TIGD4: variants seen among roughly 807,000 people sequenced by gnomAD.
TIGD4 encodes tigger transposable element derived 4.
In TIGD4, 20 loss-of-function variants were observed where a neutral mutation model predicts 24.9. The ratio of observed to expected loss-of-function variants is 0.80; its 90% CI spans 0.56 to 1.17. The LOEUF is 1.17. Ranked by LOEUF, TIGD4 falls within the 50% of genes most tolerant of loss-of-function variation. The pLI is 0.00. For synonymous variants in TIGD4, 193 were observed against 211.0 expected, an observed-to-expected ratio of 0.91 and a Z score of 0.74; for missense variants, 566 against 591.0, an observed-to-expected ratio of 0.96 and a Z score of 0.44.
At position 152,769,647 on chromosome 4, in the gene TIGD4, G is replaced by A. The variant is rs568811536; in HGVS notation, c.1358C>T (p.Thr453Ile). The A allele has an allele frequency of 3.7e-6, 6 of 1,613,388 alleles. No individual in the cohort carries two copies. In the Admixed American group the frequency reaches 8.3e-5, roughly 22 times the overall value. Residue 453 changes from threonine to isoleucine, a missense_variant, in exon 2 of 2, where the codon ACT becomes ATT. Physicochemically the swap from Thr to Ile is moderately conservative, Grantham distance 89. Transcript: ENST00000304337. ...TCCATCATCATCCTCTTCATCAGAA[G>A]TGTAAAATCCAGTTTCATCCGATTT... ...ESKSDETGFY[T>I]SDEEDDDGSP...
rs867840678 is a variant in TIGD4 at position 152,770,014 on chromosome 4, G to C, written c.991C>G (p.Arg331Gly). ...AAAAATTTCTTGATAAGACAGTGTC[G>C]ATATTTGATTTTAAGGCTTTTAATA... Reference protein sequence around the residue: ...GVIKSLKIKYRHCLIKKFLSS... With the variant: ...GVIKSLKIKYGHCLIKKFLSS... Residue 331 changes from arginine to glycine, a missense_variant, in exon 2 of 2, where the codon CGA becomes GGA. Physicochemically the swap from Arg to Gly is moderately radical, Grantham distance 125 (BLOSUM62 -2). Transcript: ENST00000304337. 6.2e-7 allele frequency: 1 copy of C among 1,610,268 alleles called. No individual in the cohort carries two copies. The highest frequency in any genetic ancestry group is 2.2e-5 in the East Asian group (1 of 44,796).
chr4:152,778,801 C>T (rs1361996010), intron 1 of TIGD4, among the ~76,000 whole-genome samples: 1 of 152,092 alleles, frequency 6.6e-6, no homozygotes, highest in Admixed American at 6.5e-5. Context: ...TGCCTTTGGG[C>T]ATTAGTCATT....
chr4:152,778,591 TTAAGA>T (rs768634225), intron 1 of TIGD4, among the ~76,000 whole-genome samples: 10 of 152,338 alleles, frequency 6.6e-5, no homozygotes, highest in Middle Eastern at 6.8e-3. Context: ...ACAGAACCAC[TTAAGA>T]TAAGAGATTT....
chr4:152,769,421 A>C lies in TIGD4; in HGVS notation c.*45T>G, dbSNP rs951127381. 2 of 1,327,254 alleles carry C rather than the reference A, an allele frequency of 1.5e-6. No homozygotes were observed. The highest frequency in any genetic ancestry group is 3.0e-5 in the African/African-American group (2 of 67,566). 82.2% of individuals were successfully genotyped at this position (1,327,254 alleles called of 1,614,324 possible). A position where few individuals can be genotyped will look rare whatever the true frequency, so the allele number is the denominator to read the frequency against. ...CTCCTTTACATACCTTATATAATAA[A>C]ATGTATCAGGAAAAGCTATTACTCT... On this transcript the variant is annotated 3_prime_UTR_variant, in exon 2 of 2. Transcript: ENST00000304337.
Position 152,771,098 on chromosome 4 carries a change from CT to C in TIGD4, c.-95del. The C allele has an allele frequency of 7.1e-7, 1 of 1,401,010 alleles. No homozygotes were observed. Among genetic ancestry groups the C allele is most frequent in the Non-Finnish European group, 9.4e-7 (1 of 1,064,160 alleles). 86.8% of individuals were successfully genotyped at this position (1,401,010 alleles called of 1,614,324 possible). A position where few individuals can be genotyped will look rare whatever the true frequency, so the allele number is the denominator to read the frequency against. On this transcript the variant is annotated 5_prime_UTR_variant, in exon 2 of 2. Transcript: ENST00000304337. ...TTTTCCAGTATAATATAGATTGCTG[CT>C]TTCTATCCTACTTTATACACTAAAA... is the stretch of plus-strand genomic sequence containing the variant.
At position 152,770,262 on chromosome 4, in the gene TIGD4, A is replaced by G; in HGVS notation, c.743T>C (p.Leu248Ser). Residue 248 changes from leucine (L) to serine (S), a missense_variant, in exon 2 of 2, where the codon TTG becomes TCG. Physicochemically the swap from Leu to Ser is moderately radical, Grantham distance 145. Transcript: ENST00000304337. The part of the protein sequence containing the change: ...TPHCFKGLKS[L>S]PVCYEANRMA... ...TCTGTTAGCTTCATAACACACAGGC[A>G]ATGATTTTAAACCTTTGAAACAATG... 6.2e-7 allele frequency: 1 copy of G among 1,614,070 alleles called. No individual in the cohort carries two copies. Among genetic ancestry groups the G allele is most frequent in the Non-Finnish European group, 8.5e-7 (1 of 1,179,950 alleles).
At position 152,770,880 on chromosome 4, in the gene TIGD4, ATC is replaced by A. The variant is rs1173585148; in HGVS notation, c.123_124del (p.Glu41AspfsTer4). The A allele has an allele frequency of 6.2e-7, 1 of 1,613,884 alleles. No individual in the cohort carries two copies. The highest frequency in any genetic ancestry group is 2.2e-5 in the East Asian group (1 of 44,874). On this transcript the variant is annotated frameshift_variant, in exon 2 of 2. Transcript: ENST00000304337. LOFTEE classifies it high-confidence loss of function. ...TTTCTTTATTCCATATTCAGCAGCA[ATC>A]TCTGCTTTTTTCTTGCCACTTTCCA...
chr4:152,770,120 C>T lies in TIGD4; in HGVS notation c.885G>A (p.Glu295=). The stretch of plus-strand genomic sequence containing the variant: ...ACTCAATGGATTTTAGGTTCTTTAC[C>T]TCTGGATGTGCTGGAAAAGACTCAA... ...IFVESFPAHP[E]VKNLKSIELA... Residue 295 remains glutamate, a synonymous_variant, in exon 2 of 2, where the codon GAG becomes GAA. Coordinates refer to ENST00000304337, the MANE Select transcript of TIGD4 (RefSeq NM_145720.4). 2.5e-6 allele frequency: 4 copies of T among 1,613,950 alleles called. No homozygotes were observed. The highest frequency in any genetic ancestry group is 3.4e-6 in the Non-Finnish European group (4 of 1,179,912).
At chr4:152,777,084 A>G (rs1382629465) in intron 1 of TIGD4, among the ~76,000 whole-genome samples, 1 of 152,240 alleles carries the variant, frequency 6.6e-6, no homozygotes, top group Non-Finnish European at 1.5e-5. Flanking sequence ...AAAGTTTCAT[A>G]TCTATGTCTA....
Position 152,770,941 on chromosome 4 carries a change from A to T in TIGD4, c.64T>A (p.Ser22Thr), listed in dbSNP as rs767865557. 7.4e-6 allele frequency: 12 copies of T among 1,612,972 alleles called. No homozygotes were observed. Among genetic ancestry groups the T allele is most frequent in the Middle Eastern group, 1.6e-4 (1 of 6,062 alleles). Residue 22 changes from serine (S) to threonine (T), a missense_variant, in exon 2 of 2, where the codon TCC (serine) becomes ACC (threonine). Coordinates refer to ENST00000304337, the MANE Select transcript of TIGD4 (RefSeq NM_145720.4). ...ATGATGTCGATCTTTTCCTCAATGG[A>T]TAGGCTTTTCTTTTTCTTCACTGTT... is the stretch of plus-strand genomic sequence containing the variant. Reference protein sequence around the residue: ...PVTVKKKKSLSIEEKIDIINA... With the variant: ...PVTVKKKKSLTIEEKIDIINA...
At chr4:152,773,729 C>CT (rs1554018767) in intron 1 of TIGD4, among the ~76,000 whole-genome samples, 1 of 149,826 alleles carries the variant, frequency 6.7e-6, no homozygotes, top group Non-Finnish European at 1.5e-5. Flanking sequence ...AATAGCAACT[C>CT]TATCTGTCAG....
chr4:152,775,691 G>A (rs544449723), intron 1 of TIGD4, among the ~76,000 whole-genome samples: 1 of 152,268 alleles, frequency 6.6e-6, no homozygotes, highest in South Asian at 2.1e-4. Flanking sequence ...TTCCTCTACT[G>A]CCACAAGCAG....
At position 152,769,950 on chromosome 4, in the gene TIGD4, A is replaced by C; in HGVS notation, c.1055T>G (p.Leu352Arg). Residue 352 changes from leucine to arginine, a missense_variant, in exon 2 of 2, where the codon CTA (leucine) becomes CGA (arginine). Leu to Arg is a moderately radical substitution (Grantham distance 102). Coordinates refer to ENST00000304337, the MANE Select transcript of TIGD4 (RefSeq NM_145720.4). ...VEGSKEFTFS[L>R]LDAVDTLHLC... ...ATGCAATGTATCAACTGCATCTAGTAGTGAAAATGTAAATTCTTTGCTACC... is the reference window on the plus strand; with the variant it reads ...ATGCAATGTATCAACTGCATCTAGTCGTGAAAATGTAAATTCTTTGCTACC... 1 of 1,613,170 alleles carries C rather than the reference A, an allele frequency of 6.2e-7. No homozygotes were observed. Among genetic ancestry groups the C allele is most frequent in the South Asian group, 1.1e-5 (1 of 91,034 alleles).
chr4:152,774,255 A>G (rs774030421), intron 1 of TIGD4, among the ~76,000 whole-genome samples: 3 of 152,232 alleles, frequency 2.0e-5, no homozygotes, highest in Admixed American at 1.3e-4. Context: ...TGAAAATGTG[A>G]TAACTTTATT....
chr4:152,773,675 A>G (rs902971217), intron 1 of TIGD4, among the ~76,000 whole-genome samples: 12 of 147,488 alleles, frequency 8.1e-5, no homozygotes. Flanking sequence ...AAGCAACATT[A>G]GGCCTCCATG....
chr4:152,778,785 G>A (rs77359154), intron 1 of TIGD4, among the ~76,000 whole-genome samples: 5,014 of 152,288 alleles, frequency 0.033, 147 homozygotes, highest in East Asian at 0.12. Flanking sequence ...TGTAGAGGTA[G>A]AGCTCTGCCT....
chr4:152,773,426 T>A (rs1303026600), intron 1 of TIGD4, among the ~76,000 whole-genome samples: 1 of 152,142 alleles, frequency 6.6e-6, no homozygotes, highest in Non-Finnish European at 1.5e-5. Context: ...CTACCTGTAT[T>A]CCAAATAACT....
At chr4:152,773,986 CTTCT>C (rs1027422683) in intron 1 of TIGD4, among the ~76,000 whole-genome samples, 6 of 151,754 alleles carry the variant, frequency 4.0e-5, no homozygotes, top group Admixed American at 2.0e-4. Flanking sequence ...TTCGTCCTTC[CTTCT>C]TTCCTTCCTC....
intron 1 of TIGD4, among the ~76,000 whole-genome samples, chr4:152,772,273 A>C (rs1730190388): frequency 6.6e-6 from 1 of 152,282 alleles, no homozygotes; most frequent in East Asian, 1.9e-4. Context: ...TAATGCAGAA[A>C]AAGATGTAGA....
Sources: allele counts gnomAD v4.1 joint callset (sites outside exome capture counted in the v4.1 genomes callset), GRCh38; gene constraint gnomAD v4.1.1; transcripts MANE v1.5; gene names NCBI Gene and HGNC (gene_info 2026-07-23, HGNC 2026-07-21).